HSD17B12: variants seen among roughly 807,000 people sequenced by gnomAD.
The protein encoded by HSD17B12 is very-long-chain 3-oxoacyl-CoA reductase.
Under a neutral mutation model 39.3 loss-of-function variants are expected in HSD17B12, and 32 were observed. The ratio of observed to expected loss-of-function variants is 0.81; its 90% CI spans 0.61 to 1.09. HSD17B12 has a LOEUF of 1.09. Ranked by LOEUF, HSD17B12 falls within the 50% of genes least tolerant of loss-of-function variation. The probability of loss-of-function intolerance (pLI) is 0.00; values close to 1 mark genes in which losing one functional copy is unlikely to be tolerated. For synonymous variants in HSD17B12, 150 were observed against 146.7 expected (o/e 1.02, Z -0.16); for missense variants, 342 against 382.9 (o/e 0.89, Z 0.89).
chr11:43,849,094 T>C (rs1951506742), intron 9 of HSD17B12, among the ~76,000 whole-genome samples: 1 of 152,018 alleles, frequency 6.6e-6, no homozygotes, highest in Non-Finnish European at 1.5e-5. Context: ...CTTGGGCTCA[T>C]TGAGTTCAAG....
At chr11:43,762,525 G>A (rs913440233) in intron 3 of HSD17B12, among the ~76,000 whole-genome samples, 6 of 152,146 alleles carry the variant, frequency 3.9e-5, no homozygotes, top group African/African-American at 7.2e-5. Context: ...GTTTATGGCC[G>A]GGGCCCTTAG....
chr11:43,835,681 A>G (rs1951362882), intron 7 of HSD17B12, among the ~76,000 whole-genome samples: 1 of 152,130 alleles, frequency 6.6e-6, no homozygotes. Flanking sequence ...ATCATTTATT[A>G]GTCTTAGATT....
At chr11:43,801,717 A>G (rs1950971563) in intron 4 of HSD17B12, among the ~76,000 whole-genome samples, 1 of 151,800 alleles carries the variant, frequency 6.6e-6, no homozygotes, top group Non-Finnish European at 1.5e-5. Flanking sequence ...TTAGTCATCT[A>G]TGAGTAGTAA....
intron 3 of HSD17B12, among the ~76,000 whole-genome samples, chr11:43,760,812 C>T (rs1950549707): frequency 1.3e-5 from 2 of 152,194 alleles, no homozygotes; most frequent in Admixed American, 1.3e-4. Flanking sequence ...ACTAAAACCA[C>T]ATGATGTTAG....
At chr11:43,606,404 C>T in the HSD17B12 span, among the ~76,000 whole-genome samples, 3 of 152,134 alleles carry the variant, frequency 2.0e-5, no homozygotes, top group South Asian at 2.1e-4. Flanking sequence ...GAAGTGGAGT[C>T]GGTGATTACT....
chr11:43,567,007 G>A, the HSD17B12 span, among the ~76,000 whole-genome samples: 3 of 152,168 alleles, frequency 2.0e-5, no homozygotes, highest in Non-Finnish European at 2.9e-5. Context: ...GAAGGATTCC[G>A]TGTCCATCAC....
chr11:43,685,814 C>T (rs35243581), intron 1 of HSD17B12, among the ~76,000 whole-genome samples: 47,468 of 152,068 alleles, frequency 0.31, 7,543 homozygotes, highest in African/African-American at 0.33. Context: ...GACACACTTT[C>T]ACTTTTTAAA....
chr11:43,778,620 C>A (rs1340507249), intron 3 of HSD17B12, among the ~76,000 whole-genome samples: 1 of 151,188 alleles, frequency 6.6e-6, no homozygotes, highest in African/African-American at 2.4e-5. Flanking sequence ...AGCAGCACAT[C>A]AAAAAGCTTA....
At chr11:43,604,806 C>T in the HSD17B12 span, among the ~76,000 whole-genome samples, 4 of 152,260 alleles carry the variant, frequency 2.6e-5, no homozygotes, top group East Asian at 1.9e-4. Flanking sequence ...CTAAAATTGA[C>T]AAATTTTTCA....
rs114403844 is a variant in HSD17B12, at chr11:43,709,045, C to G, written c.160+28058C>G. On this transcript the variant is annotated intron_variant, in intron 1 of 10. Transcript: ENST00000278353. ...AAGCAGCAGAGAGGAGAGGATGTAACACAGCCAGGTAAAGTTCAAGCTGCG... is the reference window on the plus strand; with the variant it reads ...AAGCAGCAGAGAGGAGAGGATGTAAGACAGCCAGGTAAAGTTCAAGCTGCG... Among the ~76,000 whole-genome samples, 800 of 152,292 alleles carry G rather than the reference C, an allele frequency of 5.3e-3. 5 individuals are homozygous for G. The highest frequency in any genetic ancestry group is 0.019 in the African/African-American group (773 of 41,564).
At chr11:43,623,476 G>C in the HSD17B12 span, among the ~76,000 whole-genome samples, 1 of 151,578 alleles carries the variant, frequency 6.6e-6, no homozygotes, top group Non-Finnish European at 1.5e-5. Flanking sequence ...ATGATCAGCA[G>C]TTTTTAAAAA....
chr11:43,598,427 G>A, the HSD17B12 span, among the ~76,000 whole-genome samples: 10,477 of 151,714 alleles, frequency 0.069, 409 homozygotes, highest in South Asian at 0.14. Context: ...TGCCAAACTC[G>A]ATCTCGGTGA....
rs372830171 is a variant in HSD17B12, at chr11:43,712,310, C to A, written c.160+31323C>A. On this transcript the variant is annotated intron_variant, in intron 1 of 10. Coordinates refer to ENST00000278353, the MANE Select transcript of HSD17B12 (RefSeq NM_016142.3). ...GGCATGGTGGCATGTGCCTGTAGTC[C>A]CAGCTACTCAGGAGGCTGAGGCAGG... Among the ~76,000 whole-genome samples, 198 of 152,076 alleles carry A rather than the reference C, an allele frequency of 1.3e-3. 1 individual carries two copies. The highest frequency in any genetic ancestry group is 4.6e-3 in the African/African-American group (190 of 41,484).
chr11:43,728,952 A>T (rs1038718113), intron 1 of HSD17B12, among the ~76,000 whole-genome samples: 1 of 152,172 alleles, frequency 6.6e-6, no homozygotes, highest in Admixed American at 6.5e-5. Flanking sequence ...AAAGATTAGT[A>T]TGCACCATAA....
In HSD17B12 at chr11:43,786,003, C is replaced by T. The variant is rs537710164; in HGVS notation, c.284-12317C>T. 4.6e-5 allele frequency among the ~76,000 whole-genome samples: 7 copies of T among 152,266 alleles called. No homozygotes were observed. The South Asian group carries it at 1.2e-3, about 27-fold the overall frequency. On this transcript the variant is annotated intron_variant, in intron 3 of 10. Coordinates refer to ENST00000278353, the MANE Select transcript of HSD17B12 (RefSeq NM_016142.3). The stretch of plus-strand genomic sequence containing the variant: ...GGGGGTGGATACAAGTTTTCCAAAA[C>T]CCTTATTTTCATTTGAAAACTCAAA...
At chr11:43,638,514 TA>T in the HSD17B12 span, among the ~76,000 whole-genome samples, 1 of 152,186 alleles carries the variant, frequency 6.6e-6, no homozygotes, top group Non-Finnish European at 1.5e-5. Flanking sequence ...AGCTAATGTT[TA>T]AAAGTTGATG....
chr11:43,748,099 C>T (rs1259824748), intron 1 of HSD17B12, among the ~76,000 whole-genome samples: 1 of 152,090 alleles, frequency 6.6e-6, no homozygotes, highest in Non-Finnish European at 1.5e-5. Context: ...AACAAGAATA[C>T]AGTATAAAAT....
At chr11:43,632,581 G>T in the HSD17B12 span, among the ~76,000 whole-genome samples, 1 of 151,994 alleles carries the variant, frequency 6.6e-6, no homozygotes, top group East Asian at 1.9e-4. Flanking sequence ...GTAAGGGGAG[G>T]TGGCCAACAA....
At chr11:43,629,052 T>C in the HSD17B12 span, among the ~76,000 whole-genome samples, 1 of 152,178 alleles carries the variant, frequency 6.6e-6, no homozygotes. Flanking sequence ...TGGCCAAACA[T>C]GATCCCATCC....
Sources: gnomAD v4.1 joint callset for allele counts (sites outside exome capture counted in the v4.1 genomes callset) on GRCh38, gnomAD v4.1.1 for gene constraint, MANE v1.5 for transcripts, NCBI Gene and HGNC (gene_info 2026-07-23, HGNC 2026-07-21) for gene names.